The following MRPL43 variants were observed in gnomAD, a reference collection of about 807,000 sequenced individuals.
MRPL43 encodes the protein large ribosomal subunit protein mL43.
A neutral mutation model predicts 12.7 loss-of-function variants in MRPL43; 9 were observed. The observed-to-expected ratio is 0.71, with a 90% CI of 0.43 to 1.24. MRPL43 has a LOEUF of 1.24. MRPL43 is among the 50% of genes most tolerant of loss of function. MRPL43 has a pLI of 0.00. For missense variants in MRPL43, 211 were observed against 229.2 expected, an observed-to-expected ratio of 0.92 and a Z score of 0.51; for synonymous variants, 116 against 96.4, an observed-to-expected ratio of 1.20 and a Z score of -1.19.
At chr10:100,979,440 T>C (rs1015536840), downstream of MRPL43, 1 of 1,514,056 alleles carries the variant, frequency 6.6e-7, no homozygotes. Flanking sequence ...TGGAGTGCAG[T>C]GGCGCGATCT....
downstream of MRPL43, chr10:100,980,349 T>C: frequency 1.2e-6 from 2 of 1,611,712 alleles, no homozygotes; most frequent in Non-Finnish European, 1.7e-6. Context: ...GCACAGGTGC[T>C]TCTGATCCCA....
downstream of MRPL43, chr10:100,978,780 T>A: frequency 6.3e-7 from 1 of 1,579,110 alleles, no homozygotes; most frequent in East Asian, 2.2e-5. Flanking sequence ...AAGTGAGGGG[T>A]CAGCCTCAGA....
rs1202769611 is a variant in MRPL43, at chr10:100,986,524, T to C, written c.*210A>G. On this transcript the variant is annotated 3_prime_UTR_variant, in exon 3 of 3. Transcript: ENST00000318364. ...TCATCTCAGGTTTTAGGGATGCCACTTGCATAAAAATGAGTGGTTCACAAG... is the reference window on the plus strand; with the variant it reads ...TCATCTCAGGTTTTAGGGATGCCACCTGCATAAAAATGAGTGGTTCACAAG... The C allele has an allele frequency of 1.9e-6, 3 of 1,552,582 alleles. No individual in the cohort carries two copies. The highest frequency in any genetic ancestry group is 1.7e-6 in the Non-Finnish European group (2 of 1,147,804).
chr10:100,982,745 T>C (rs552170865), downstream of MRPL43, among the ~76,000 whole-genome samples: 9 of 152,190 alleles, frequency 5.9e-5, no homozygotes, highest in Non-Finnish European at 1.2e-4. Flanking sequence ...TGAGCTGAGA[T>C]CACGTCACTG....
downstream of MRPL43, chr10:100,978,927 T>A (rs1329808982): frequency 3.7e-6 from 6 of 1,614,126 alleles, no homozygotes; most frequent in Admixed American, 3.3e-5. Flanking sequence ...GTGTACTACT[T>A]CTTCACGGAG....
downstream of MRPL43, among the ~76,000 whole-genome samples, chr10:100,983,040 T>C (rs1028046894): frequency 6.6e-6 from 1 of 152,200 alleles, no homozygotes; most frequent in Admixed American, 6.5e-5. Flanking sequence ...GATTAGGAGT[T>C]ACTGGCAGAT....
downstream of MRPL43, chr10:100,980,278 C>G (rs752037569): frequency 2.5e-6 from 4 of 1,614,252 alleles, no homozygotes; most frequent in Non-Finnish European, 3.4e-6. Context: ...ACGCTACACA[C>G]ACCTTACAGG....
downstream of MRPL43, chr10:100,981,417 C>G (rs964741987): frequency 1.9e-6 from 3 of 1,613,698 alleles, no homozygotes; most frequent in South Asian, 1.1e-5. Context: ...GAATTATAAA[C>G]TAGGAAACAT....
chr10:100,980,938 C>A (rs1251127577), downstream of MRPL43: 4 of 1,610,418 alleles, frequency 2.5e-6, no homozygotes, highest in Non-Finnish European at 2.5e-6. Context: ...GTGGCTGGGA[C>A]CCTGGCACCC....
At chr10:100,984,571 A>G, downstream of MRPL43, 4 of 1,536,192 alleles carry the variant, frequency 2.6e-6, no homozygotes, top group Non-Finnish European at 2.6e-6. Context: ...GAAACCAGAC[A>G]AGACCTCTGC....
In MRPL43 at chr10:100,986,503, C is replaced by T. The variant is rs561042563; in HGVS notation, c.*231G>A. 60 of 1,550,684 alleles carry T rather than the reference C, an allele frequency of 3.9e-5. No individual in the cohort carries two copies. The African/African-American group carries it at 6.6e-4, about 17-fold the overall frequency. Reference sequence around the variant, plus strand: ...GTAAAACCCTTGAAGTCTTCCTCATCTCAGGTTTTAGGGATGCCACTTGCA... The same window carrying T: ...GTAAAACCCTTGAAGTCTTCCTCATTTCAGGTTTTAGGGATGCCACTTGCA... On this transcript the variant is annotated 3_prime_UTR_variant, in exon 3 of 3. Coordinates refer to ENST00000318364, the MANE Select transcript of MRPL43 (RefSeq NM_032112.3).
At chr10:100,980,077 AGGT>A (rs760670410), downstream of MRPL43, 17 of 1,612,678 alleles carry the variant, frequency 1.1e-5, no homozygotes, top group African/African-American at 2.1e-4. Context: ...GAGGGCAGGC[AGGT>A]GGTGGAGTCC....
chr10:100,986,606 A>G lies in MRPL43; in HGVS notation c.*128T>C, dbSNP rs540430525. On this transcript the variant is annotated 3_prime_UTR_variant, in exon 3 of 3. Coordinates refer to ENST00000318364, the MANE Select transcript of MRPL43 (RefSeq NM_032112.3). ...AAACAGGCAGCTCTTCATTATCCCAAGCAGAACCTCTGTCAACTTGCCCAT... is the reference window on the plus strand; with the variant it reads ...AAACAGGCAGCTCTTCATTATCCCAGGCAGAACCTCTGTCAACTTGCCCAT... The G allele has an allele frequency of 1.9e-6, 3 of 1,611,526 alleles. No homozygotes were observed. The highest frequency in any genetic ancestry group is 2.2e-5 in the South Asian group (2 of 90,772).
chr10:100,984,188 C>T (rs1003167771), downstream of MRPL43: 5 of 1,541,332 alleles, frequency 3.2e-6, no homozygotes, highest in Non-Finnish European at 3.5e-6. Flanking sequence ...CCAGGCTGGG[C>T]CACTGCCTCC....
At chr10:100,980,251 C>G, downstream of MRPL43, 2 of 1,614,242 alleles carry the variant, frequency 1.2e-6, no homozygotes, top group Non-Finnish European at 1.7e-6. Flanking sequence ...ACGGCCCCTG[C>G]TGCTCAAGCG....
At chr10:100,984,857 G>C, downstream of MRPL43, 1 of 1,495,516 alleles carries the variant, frequency 6.7e-7, no homozygotes, top group Admixed American at 2.1e-5. Context: ...TTGTGAATCA[G>C]CCTCCCCACT....
downstream of MRPL43, chr10:100,978,817 C>T (rs1176270767): frequency 1.2e-6 from 2 of 1,607,096 alleles, no homozygotes; most frequent in Non-Finnish European, 1.7e-6. Context: ...CCCAGCCTGT[C>T]TCAAAAGCCT....
chr10:100,986,450 C>A lies in MRPL43; in HGVS notation c.*284G>T. 6.6e-7 allele frequency: 1 copy of A among 1,526,702 alleles called. No individual in the cohort carries two copies. Among genetic ancestry groups the A allele is most frequent in the South Asian group, 1.2e-5 (1 of 80,270 alleles). The allele number at this position is 1,526,702 out of a possible 1,614,324, so 94.6% of individuals were successfully genotyped here. On this transcript the variant is annotated 3_prime_UTR_variant, in exon 3 of 3. Transcript: ENST00000318364. ...CACTGTGTTTTGAGATCATTATTATCAATTTGGATTTAAAAAACAAGGGCC... is the reference window on the plus strand; with the variant it reads ...CACTGTGTTTTGAGATCATTATTATAAATTTGGATTTAAAAAACAAGGGCC...
rs577367953 is a variant in MRPL43, at chr10:100,986,356, C to T, written c.*378G>A. On this transcript the variant is annotated 3_prime_UTR_variant, in exon 3 of 3. Coordinates refer to ENST00000318364, the MANE Select transcript of MRPL43 (RefSeq NM_032112.3). ...AAGTGCCTAGCCCATCACAGCAGAG[C>T]TCTCCGTAGCTCAGTGGTTGTTCCA... The T allele has an allele frequency of 6.9e-7, 1 of 1,447,414 alleles. No homozygotes were observed. The highest frequency in any genetic ancestry group is 9.0e-7 in the Non-Finnish European group (1 of 1,105,428). The allele number at this position is 1,447,414 out of a possible 1,614,324, so 89.7% of individuals were successfully genotyped here. A position where few individuals can be genotyped will look rare whatever the true frequency, so the allele number is the denominator to read the frequency against.
Sources: gnomAD v4.1 joint callset for allele counts (sites outside exome capture counted in the v4.1 genomes callset) on GRCh38, gnomAD v4.1.1 for gene constraint, MANE v1.5 for transcripts, NCBI Gene and HGNC (gene_info 2026-07-23, HGNC 2026-07-21) for gene names.